POTEH: variants seen among roughly 807,000 people sequenced by gnomAD.
The protein encoded by POTEH is ANKRD26-like family C member 3.
In POTEH, 6 loss-of-function variants were observed where a neutral mutation model predicts 41.7. The observed-to-expected ratio is 0.14, with a 90% CI of 0.08 to 0.28. POTEH has a LOEUF of 0.28. POTEH is among the 10% of genes least tolerant of loss of function. The pLI is 1.00. For missense variants in POTEH, 115 were observed against 533.5 expected, an observed-to-expected ratio of 0.22 and a Z score of 7.73; for synonymous variants, 38 against 179.9, an observed-to-expected ratio of 0.21 and a Z score of 6.31.
intron 1 of POTEH, 134 bp downstream of exon 1, chr22:15,690,843 A>C: frequency 8.5e-7 from 1 of 1,178,158 alleles, no homozygotes; most frequent in African/African-American, 1.6e-5. Flanking sequence ...GAAACCTCAG[A>C]GAGTTCAGGG....
chr22:15,711,331 C>G (rs1207463260), intron 9 of POTEH, among the ~76,000 whole-genome samples: 1 of 152,080 alleles, frequency 6.6e-6, no homozygotes, highest in East Asian at 1.9e-4. Flanking sequence ...GGTTTGGGTA[C>G]AGATTATTTC....
intron 9 of POTEH, among the ~76,000 whole-genome samples, chr22:15,714,409 G>C (rs1407498517): frequency 6.6e-6 from 1 of 152,082 alleles, no homozygotes; most frequent in Non-Finnish European, 1.5e-5. Context: ...ATAACTAAAA[G>C]GCAGTCAACC....
intron 1 of POTEH, among the ~76,000 whole-genome samples, chr22:15,690,970 G>T (rs369003569): frequency 8.6e-6 from 1 of 116,816 alleles, no homozygotes; most frequent in Non-Finnish European, 1.9e-5. Flanking sequence ...AACTCGCAAC[G>T]TTGTCGATGC....
chr22:15,712,989 AAATATAT>A (rs1317847139), intron 9 of POTEH, among the ~76,000 whole-genome samples: 2 of 151,306 alleles, frequency 1.3e-5, no homozygotes, highest in East Asian at 3.9e-4. Flanking sequence ...ATAACCTTTG[AAATATAT>A]AATTGTTACA....
At chr22:15,710,331 G>A (rs1198185203) in intron 8 of POTEH, among the ~76,000 whole-genome samples, 11 of 151,836 alleles carry the variant, frequency 7.2e-5, no homozygotes, top group African/African-American at 2.4e-4. Context: ...GATATCCTAG[G>A]AACCTAATGA....
intron 9 of POTEH, 51 bp from the exon 10 acceptor site, chr22:15,719,609 A>ACACC (rs1989985761): frequency 5.8e-6 from 3 of 513,462 alleles, no homozygotes; most frequent in Non-Finnish European, 1.0e-5. Flanking sequence ...TGCCCTGTAG[A>ACACC]TCATTTTGGG....
chr22:15,714,412 A>T (rs1411854748), intron 9 of POTEH, among the ~76,000 whole-genome samples: 1 of 152,116 alleles, frequency 6.6e-6, no homozygotes, highest in African/African-American at 2.4e-5. Context: ...ACTAAAAGGC[A>T]GTCAACCATC....
chr22:15,706,473 TTGTA>T (rs1184690625), intron 6 of POTEH, among the ~76,000 whole-genome samples: 11 of 126,476 alleles, frequency 8.7e-5, no homozygotes, highest in African/African-American at 3.0e-4. Flanking sequence ...TTATTATAAT[TTGTA>T]TGACTTTATT....
At position 15,690,675 on chromosome 22, in the gene POTEH, G is replaced by C. The variant is rs1359552990; in HGVS notation, c.598G>C (p.Asp200His). 2.1e-6 allele frequency: 3 copies of C among 1,419,518 alleles called. 1 individual carries two copies. The highest frequency in any genetic ancestry group is 2.9e-6 in the Non-Finnish European group (3 of 1,023,332). The allele number at this position is 1,419,518 out of a possible 1,614,324, so 87.9% of individuals were successfully genotyped here. Residue 200 changes from aspartate to histidine, a missense_variant, in exon 1 of 11, where the codon GAC (aspartate) becomes CAC (histidine). By Grantham distance (81) the Asp-to-His change is moderately conservative (BLOSUM62 -1). Transcript: ENST00000343518. ...AAAGGATCTCATCGTCATGCTCAAG[G>C]ACACTGACATGAACAAGAAGGACAA... ...PRKDLIVMLK[D>H]TDMNKKDKQK...
chr22:15,720,355 CT>C (rs1989999056), intron 10 of POTEH, among the ~76,000 whole-genome samples: 1 of 145,506 alleles, frequency 6.9e-6, no homozygotes, highest in African/African-American at 2.6e-5. Context: ...TATATTTCCC[CT>C]ATTTCACAGT....
chr22:15,709,031 C>A (rs1280470487), intron 7 of POTEH, among the ~76,000 whole-genome samples: 1 of 151,116 alleles, frequency 6.6e-6, no homozygotes, highest in Admixed American at 6.6e-5. Flanking sequence ...AGCAACCCAA[C>A]TGCCTATTAA....
intron 9 of POTEH, among the ~76,000 whole-genome samples, chr22:15,713,538 C>G (rs1348429399): frequency 6.6e-6 from 1 of 152,260 alleles, no homozygotes; most frequent in African/African-American, 2.4e-5. Context: ...CTGGCTTTGT[C>G]CCCTAGGCTG....
At chr22:15,696,026 C>T (rs1989424969) in intron 3 of POTEH, among the ~76,000 whole-genome samples, 1 of 56,574 alleles carries the variant, frequency 1.8e-5, no homozygotes, top group African/African-American at 6.0e-5. Flanking sequence ...TTTTAATGCA[C>T]TTGCGGTAAA....
intron 1 of POTEH, among the ~76,000 whole-genome samples, chr22:15,692,375 A>G (rs1390552627): frequency 1.4e-5 from 2 of 147,058 alleles, no homozygotes; most frequent in African/African-American, 2.5e-5. Context: ...CCAGTGACCT[A>G]TGTGCATAGG....
At chr22:15,718,978 CCAAAAAATAAACA>C (rs1989966343) in intron 9 of POTEH, among the ~76,000 whole-genome samples, 1 of 147,796 alleles carries the variant, frequency 6.8e-6, no homozygotes, top group Non-Finnish European at 1.5e-5. Flanking sequence ...GAAAATGTTT[CCAAAAAATAAACA>C]CAAAAAGTAT....
At chr22:15,703,732 G>A (rs956528264) in intron 6 of POTEH, among the ~76,000 whole-genome samples, 10 of 150,530 alleles carry the variant, frequency 6.6e-5, no homozygotes, top group African/African-American at 2.5e-4. Flanking sequence ...CTTTAATTTA[G>A]CCATCTATTT....
At position 15,690,310 on chromosome 22, in the gene POTEH, G is replaced by A. The variant is rs1475634622; in HGVS notation, c.233G>A (p.Ser78Asn). The A allele has an allele frequency of 1.2e-5, 17 of 1,418,166 alleles. 2 individuals are homozygous for A. The highest frequency in any genetic ancestry group is 3.4e-5 in the South Asian group (3 of 87,592). 87.8% of individuals were successfully genotyped at this position (1,418,166 alleles called of 1,614,324 possible). A position where few individuals can be genotyped will look rare whatever the true frequency, so the allele number is the denominator to read the frequency against. Residue 78 changes from serine to asparagine, a missense_variant, in exon 1 of 11, where the codon AGC becomes AAC. Ser to Asn is a conservative substitution (Grantham distance 46). Coordinates refer to ENST00000343518, the MANE Select transcript of POTEH (RefSeq NM_001136213.1). ...CCCTGGTGCAGGGGGAGCGGCAAGA[G>A]CAACGTGGGCACTTCTGGAGACCAC... ...CFPWCRGSGKSNVGTSGDHDD... is the reference protein window; with the variant it reads ...CFPWCRGSGKNNVGTSGDHDD...
At position 15,690,819 on chromosome 22, in the gene POTEH, C is replaced by T. The variant is rs1437234051; in HGVS notation, c.632+110C>T. Reference sequence around the variant, plus strand: ...TTTTCTTGCCTCCACAGGCCTCACACCACCCTGGATGTGGAAACCTCAGAG... The same window carrying T: ...TTTTCTTGCCTCCACAGGCCTCACATCACCCTGGATGTGGAAACCTCAGAG... On this transcript the variant is annotated intron_variant, in intron 1 of 10. Coordinates refer to ENST00000343518, the MANE Select transcript of POTEH (RefSeq NM_001136213.1). The T allele has an allele frequency of 1.5e-6, 2 of 1,330,724 alleles. 1 individual carries two copies. Among genetic ancestry groups the T allele is most frequent in the African/African-American group, 3.1e-5 (2 of 64,658 alleles). 82.4% of individuals were successfully genotyped at this position (1,330,724 alleles called of 1,614,324 possible).
chr22:15,717,044 CAGGT>C (rs1989921256), intron 9 of POTEH, among the ~76,000 whole-genome samples: 1 of 68,116 alleles, frequency 1.5e-5, no homozygotes, highest in Non-Finnish European at 3.1e-5. Flanking sequence ...TATCCAGTCT[CAGGT>C]ATGTATGTGT....
Sources: gnomAD v4.1 joint callset for allele counts (sites outside exome capture counted in the v4.1 genomes callset) on GRCh38, gnomAD v4.1.1 for gene constraint, MANE v1.5 for transcripts, NCBI Gene and HGNC (gene_info 2026-07-23, HGNC 2026-07-21) for gene names.